COQ5: variants seen among roughly 807,000 people sequenced by gnomAD.
COQ5 encodes the protein coenzyme Q5, methyltransferase, also known as 2-methoxy-6-polyprenyl-1,4-benzoquinol methylase, mitochondrial.
COQ5 carries 27 observed loss-of-function variants against 40.5 expected under a neutral mutation model. The ratio of observed to expected loss-of-function variants is 0.67; its 90% CI spans 0.49 to 0.92. The LOEUF is 0.92. COQ5 is among the 40% of genes least tolerant of loss of function. COQ5 has a pLI of 0.00. For missense variants in COQ5, 409 were observed against 406.4 expected (o/e 1.01, Z -0.06); for synonymous variants, 141 against 150.0 (o/e 0.94, Z 0.44).
chr12:120,508,221 C>T (rs1868970740), intron 4 of COQ5, among the ~76,000 whole-genome samples: 1 of 151,944 alleles, frequency 6.6e-6, no homozygotes, highest in South Asian at 2.1e-4. Flanking sequence ...GTCTTGATCT[C>T]CTGACCTCGT....
Position 120,503,986 on chromosome 12 carries a change from C to CTCTACAA in COQ5, c.865_866insTTGTAGA (p.Arg289LeufsTer124). On this transcript the variant is annotated frameshift_variant, in exon 6 of 7. Transcript: ENST00000288532. LOFTEE classifies it high-confidence loss of function. Reference sequence around the variant, plus strand: ...GTTTCATACCTGAGACGGAAACCTTCGGATACTCTCTACAAGGTACTGATA... The same window carrying CTCTACAA: ...GTTTCATACCTGAGACGGAAACCTTCTCTACAAGGATACTCTCTACAAGGTACTGATA... The CTCTACAA allele has an allele frequency of 6.2e-7, 1 of 1,612,040 alleles. No individual in the cohort carries two copies. The highest frequency in any genetic ancestry group is 8.5e-7 in the Non-Finnish European group (1 of 1,178,100).
chr12:120,505,095 A>C, intron 4 of COQ5, 112 bp from the exon 5 acceptor site: 1 of 821,072 alleles, frequency 1.2e-6, no homozygotes, highest in Non-Finnish European at 2.1e-6. Flanking sequence ...CATGGCCCAC[A>C]AACCTCTTGT....
intron 1 of COQ5, chr12:120,523,056 C>T (rs954279320): frequency 5.5e-5 from 23 of 419,338 alleles, no homozygotes; most frequent in Non-Finnish European, 8.8e-5. Context: ...AGATTCTTAT[C>T]GGCCAGGCGC....
At position 120,515,743 on chromosome 12, in the gene COQ5, G is replaced by A. The variant is rs887386587; in HGVS notation, c.574+824C>T. 3.3e-5 allele frequency among the ~76,000 whole-genome samples: 5 copies of A among 152,254 alleles called. No homozygotes were observed. In the East Asian group the frequency reaches 9.6e-4, roughly 29 times the overall value. On this transcript the variant is annotated intron_variant, in intron 3 of 6. Coordinates refer to ENST00000288532, the MANE Select transcript of COQ5 (RefSeq NM_032314.4). ...TCCAGAACAAAGGCTGGCTGTTAAA[G>A]AGTCTTGCTTGGAAAATATCCAGGC... is the stretch of plus-strand genomic sequence containing the variant.
chr12:120,504,333 C>T (rs1233731205), intron 5 of COQ5, among the ~76,000 whole-genome samples: 1 of 151,788 alleles, frequency 6.6e-6, no homozygotes, highest in East Asian at 1.9e-4. Flanking sequence ...GATAGGCCTA[C>T]CCAGGGCTGC....
At chr12:120,514,171 G>A (rs758861209) in intron 3 of COQ5, among the ~76,000 whole-genome samples, 1 of 152,098 alleles carries the variant, frequency 6.6e-6, no homozygotes, top group Non-Finnish European at 1.5e-5. Flanking sequence ...AAACACTAGC[G>A]ACTGTCCGCC....
intron 1 of COQ5, chr12:120,527,033 T>A (rs1343017922): frequency 6.6e-6 from 1 of 151,778 alleles, no homozygotes; most frequent in African/African-American, 2.4e-5. Flanking sequence ...GCAATTTTTT[T>A]ACAAGGAAAT....
At chr12:120,506,969 G>A (rs1400591757) in intron 4 of COQ5, among the ~76,000 whole-genome samples, 2 of 151,950 alleles carry the variant, frequency 1.3e-5, no homozygotes, top group Admixed American at 6.6e-5. Context: ...AAGTAGCTGG[G>A]ATTACAGATG....
Position 120,507,819 on chromosome 12 carries a change from G to A in COQ5, c.681+2198C>T, listed in dbSNP as rs992214036. Among the ~76,000 whole-genome samples the A allele has an allele frequency of 1.6e-4, 23 of 148,186 alleles. No homozygotes were observed. The South Asian group carries it at 1.7e-3, about 11-fold the overall frequency. ...GAAGAATCACTTGAACCCAGGAGGC[G>A]GAGGTTTCAGTGAGCCCAGATCTCT... is the stretch of plus-strand genomic sequence containing the variant. On this transcript the variant is annotated intron_variant, in intron 4 of 6. Transcript: ENST00000288532.
At position 120,504,275 on chromosome 12, in the gene COQ5, G is replaced by A. The variant is rs541736506; in HGVS notation, c.771-194C>T. Among the ~76,000 whole-genome samples, 3 of 152,246 alleles carry A rather than the reference G, an allele frequency of 2.0e-5. No homozygotes were observed. The East Asian group carries it at 5.8e-4, about 29-fold the overall frequency. On this transcript the variant is annotated intron_variant, in intron 5 of 6. Transcript: ENST00000288532. Reference sequence around the variant, plus strand: ...AGGTACAGTTAGGAAGTATTATGAAGTGGAGAAGGGACAGTTACTACTCAG... The same window carrying A: ...AGGTACAGTTAGGAAGTATTATGAAATGGAGAAGGGACAGTTACTACTCAG...
chr12:120,524,085 C>A (rs1206692771), intron 1 of COQ5: 1 of 250,822 alleles, frequency 4.0e-6, no homozygotes, highest in Non-Finnish European at 8.2e-6. Context: ...CTGAGAAGAA[C>A]CTCAGGTACA....
intron 3 of COQ5, among the ~76,000 whole-genome samples, chr12:120,512,659 C>G (rs1420001697): frequency 6.6e-6 from 1 of 152,054 alleles, no homozygotes; most frequent in East Asian, 1.9e-4. Flanking sequence ...ATAGGATGTT[C>G]TCAACTTTAT....
intron 2 of COQ5, among the ~76,000 whole-genome samples, chr12:120,520,861 T>C (rs1327684890): frequency 2.6e-5 from 4 of 151,748 alleles, no homozygotes; most frequent in Non-Finnish European, 4.4e-5. Flanking sequence ...AACAAAGGAC[T>C]GTGCACAAAC....
intron 2 of COQ5, among the ~76,000 whole-genome samples, chr12:120,520,575 C>T (rs955030831): frequency 3.3e-5 from 5 of 151,952 alleles, no homozygotes; most frequent in Admixed American, 1.3e-4. Flanking sequence ...CCGACCGCCT[C>T]GGGCTCCCAA....
rs77019934 is a variant in COQ5 at position 120,515,912 on chromosome 12, A to T, written c.574+655T>A. 1.7e-3 allele frequency among the ~76,000 whole-genome samples: 265 copies of T among 152,170 alleles called. 5 individuals are homozygous for T. In the East Asian group the frequency reaches 0.036, roughly 21 times the overall value. ...ACTCCTTGTGGCTGAAGGGCAAGTT[A>T]TTTCTTTTTTTATTGTTTAAGTTTC... On this transcript the variant is annotated intron_variant, in intron 3 of 6. Transcript: ENST00000288532.
chr12:120,503,834 CG>C lies in COQ5; in HGVS notation c.933del (p.Tyr311Ter), dbSNP rs758194501. 32 of 1,614,164 alleles carry C rather than the reference CG, an allele frequency of 2.0e-5. No homozygotes were observed. The highest frequency in any genetic ancestry group is 2.6e-5 in the Non-Finnish European group (31 of 1,179,996). On this transcript the variant is annotated frameshift_variant, in exon 7 of 7. Transcript: ENST00000288532. LOFTEE classifies it high-confidence loss of function. ...IEDAGFHKVT[Y>X]ESLTSGIVAI... ...GCCACAATGCCTGATGTTAGACTTT[CG>C]TAAGTCACCTTGTGAAAGCCTGCAT...
chr12:120,521,679 C>CA (rs71076625), intron 2 of COQ5, among the ~76,000 whole-genome samples: 19,526 of 113,918 alleles, frequency 0.17, 1,647 homozygotes, highest in Middle Eastern at 0.23. Flanking sequence ...ACTCCATCTC[C>CA]AAAAAAAAAA....
chr12:120,516,840 G>A (rs1358132149), intron 2 of COQ5, 52 bp from the exon 3 acceptor site: 3 of 1,505,444 alleles, frequency 2.0e-6, no homozygotes, highest in Non-Finnish European at 2.8e-6. Flanking sequence ...AAATAAAAAA[G>A]GAAGAAACAG....
intron 4 of COQ5, chr12:120,509,790 T>C: frequency 7.4e-6 from 4 of 539,178 alleles, no homozygotes; most frequent in Non-Finnish European, 1.3e-5. Context: ...TCTCTCTCTC[T>C]CTCCCTGGGT....
Sources: allele counts gnomAD v4.1 joint callset (sites outside exome capture counted in the v4.1 genomes callset), GRCh38; gene constraint gnomAD v4.1.1; transcripts MANE v1.5; gene names NCBI Gene and HGNC (gene_info 2026-07-23, HGNC 2026-07-21).